Variants in USP5 observed in about 807,000 individuals in gnomAD.
USP5 encodes the protein ubiquitin carboxyl-terminal hydrolase 5.
USP5 carries 24 observed loss-of-function variants against 102.5 expected under a neutral mutation model. The observed-to-expected ratio is 0.23, with a 90% confidence interval of 0.17 to 0.33. The LOEUF (loss-of-function observed/expected upper bound fraction) is 0.33, where lower values mean the gene tolerates loss of function less well. Among genes scored for constraint, USP5 ranks in the 10% least tolerant of loss-of-function variants. USP5 has a pLI of 1.00. For synonymous variants in USP5, 460 were observed against 434.8 expected, an observed-to-expected ratio of 1.06 and a Z score of -0.72; for missense variants, 753 against 1,122.1, an observed-to-expected ratio of 0.67 and a Z score of 4.70.
In USP5 at chr12:6,861,374, G is replaced by C; in HGVS notation, c.1499-69G>C. 6.7e-7 allele frequency: 1 copy of C among 1,488,892 alleles called. No homozygotes were observed. The allele number at this position is 1,488,892 out of a possible 1,614,324, so 92.2% of individuals were successfully genotyped here. On this transcript the variant is annotated intron_variant, in intron 12 of 19. Transcript: ENST00000229268. This position sits in a 1 kb window ranked among gnomAD's most constrained non-coding sequence, Gnocchi z 4.9. Reference sequence around the variant, plus strand: ...GAACTGAAATACGGACACAGAGCCAGTAGGGAGAGGCTAAGGAGGCAAAGA... The same window carrying C: ...GAACTGAAATACGGACACAGAGCCACTAGGGAGAGGCTAAGGAGGCAAAGA...
chr12:6,852,435 C>G, intron 1 of USP5, 145 bp downstream of exon 1: 1 of 855,900 alleles, frequency 1.2e-6, no homozygotes, highest in Non-Finnish European at 1.8e-6. Context: ...CTGCCGTTGC[C>G]TTTCATTAAC....
rs1351821336 is a variant in USP5, at chr12:6,856,223, C to T, written c.438+73C>T. The T allele has an allele frequency of 1.2e-6, 2 of 1,606,666 alleles. No homozygotes were observed. The highest frequency in any genetic ancestry group is 1.3e-5 in the African/African-American group (1 of 74,740). On this transcript the variant is annotated intron_variant, in intron 4 of 19. Coordinates refer to ENST00000229268, the MANE Select transcript of USP5 (RefSeq NM_001098536.2). This position sits in a 1 kb window ranked among gnomAD's most constrained non-coding sequence, Gnocchi z 5.6. ...AGGGTAGTGGTGTCTTAGGCAAGCA[C>T]TGACAAAGCTGAAGGCCAAGGGGAA...
Position 6,861,668 on chromosome 12 carries a change from C to G in USP5, c.1673+51C>G. 15 of 1,436,762 alleles carry G rather than the reference C, an allele frequency of 1.0e-5. No individual in the cohort carries two copies. Among genetic ancestry groups the G allele is most frequent in the Non-Finnish European group, 1.4e-5 (15 of 1,090,218 alleles). 89.0% of individuals were successfully genotyped at this position (1,436,762 alleles called of 1,614,324 possible). A position where few individuals can be genotyped will look rare whatever the true frequency, so the allele number is the denominator to read the frequency against. The stretch of plus-strand genomic sequence containing the variant: ...GCTGTGGGTCTATGGCAGAGCTATC[C>G]CAGAGGATACTTCTGTCTCTTCCCT... On this transcript the variant is annotated intron_variant, in intron 13 of 19. Coordinates refer to ENST00000229268, the MANE Select transcript of USP5 (RefSeq NM_001098536.2). This position sits in a 1 kb window ranked among gnomAD's most constrained non-coding sequence, Gnocchi z 4.9.
rs782560604 is a variant in USP5 at position 6,863,992 on chromosome 12, C to T, written c.2098+19C>T. ...GATCCAGGTAGGCTGGGGTGGGGAG[C>T]AGGGTGGGGCAGGGCCTCCATCCTC... On this transcript the variant is annotated intron_variant, in intron 16 of 19. Transcript: ENST00000229268. The surrounding 1 kb of genome is among the most constrained non-coding windows in gnomAD (Gnocchi z 4.7). 3 of 1,577,702 alleles carry T rather than the reference C, an allele frequency of 1.9e-6. No individual in the cohort carries two copies. The highest frequency in any genetic ancestry group is 1.3e-5 in the African/African-American group (1 of 74,100).
Position 6,861,503 on chromosome 12 carries a change from C to G in USP5, c.1559C>G (p.Pro520Arg). 3.1e-6 allele frequency: 5 copies of G among 1,600,582 alleles called. No homozygotes were observed. Among genetic ancestry groups the G allele is most frequent in the Non-Finnish European group, 4.3e-6 (5 of 1,169,284 alleles). Residue 520 changes from proline (P) to arginine (R), a missense_variant, in exon 13 of 20, where the codon CCA (proline) becomes CGA (arginine). By Grantham distance (103) the Pro-to-Arg change is moderately radical. Around this residue, in one of 3 missense-constraint regions of USP5, gnomAD observed 527 missense variants for 816.5 expected, o/e 0.65. Coordinates refer to ENST00000229268, the MANE Select transcript of USP5 (RefSeq NM_001098536.2). The surrounding 1 kb of genome is among the most constrained non-coding windows in gnomAD (Gnocchi z 4.9). ...RQAEEEKMAL[P>R]ELVRAQVPFS... ...GCCGAAGAGGAGAAGATGGCACTGC[C>G]AGAACTGGTTCGGGCCCAGGTGCCC... is the stretch of plus-strand genomic sequence containing the variant.
At chr12:6,859,336 C>A in intron 8 of USP5, 134 bp from the exon 9 acceptor site, 1 of 829,362 alleles carries the variant, frequency 1.2e-6, no homozygotes, top group Non-Finnish European at 2.0e-6. Flanking sequence ...AGAGAAGCGA[C>A]TCCAAGGTTC....
rs377118724 is a variant in USP5 at position 6,864,643 on chromosome 12, C to T, written c.2245-79C>T. 11 of 1,484,506 alleles carry T rather than the reference C, an allele frequency of 7.4e-6. No homozygotes were observed. In the East Asian group the frequency reaches 9.3e-5, roughly 13 times the overall value. The allele number at this position is 1,484,506 out of a possible 1,614,324, so 92.0% of individuals were successfully genotyped here. ...GGCGGAGCTTGCAGTGAGCCGAGATCGCGCCACTGCACTCCAGCCTGGGCG... is the reference window on the plus strand; with the variant it reads ...GGCGGAGCTTGCAGTGAGCCGAGATTGCGCCACTGCACTCCAGCCTGGGCG... On this transcript the variant is annotated intron_variant, in intron 17 of 19. Transcript: ENST00000229268. This position sits in a 1 kb window ranked among gnomAD's most constrained non-coding sequence, Gnocchi z 4.8.
rs782738986 is a variant in USP5 at position 6,855,830 on chromosome 12, C to T, written c.304+9C>T. The T allele has an allele frequency of 2.0e-5, 33 of 1,614,022 alleles. No individual in the cohort carries two copies. The highest frequency in any genetic ancestry group is 1.9e-4 in the South Asian group (17 of 91,086). On this transcript the variant is annotated intron_variant, in intron 3 of 19. Coordinates refer to ENST00000229268, the MANE Select transcript of USP5 (RefSeq NM_001098536.2). The surrounding 1 kb of genome is among the most constrained non-coding windows in gnomAD (Gnocchi z 4.6). ...CACGCGGCTGGCTATTGGTGAGCAC[C>T]GCTGCAGTCCTATTCTTCTCCCTGA...
At position 6,856,818 on chromosome 12, in the gene USP5, C is replaced by T. The variant is rs149667187; in HGVS notation, c.696C>T (p.His232=). Residue 232 remains histidine (H), a synonymous_variant, in exon 6 of 20, where the codon CAC becomes CAT. Transcript: ENST00000229268. The surrounding 1 kb of genome is among the most constrained non-coding windows in gnomAD (Gnocchi z 5.6). ...RYFDGSGGNN[H]AVEHYRETGY... is the part of the protein sequence containing the mutation. ...TCGATGGCAGTGGGGGCAACAACCA[C>T]GCTGTGGAGCACTACCGAGAGACAG... The T allele has an allele frequency of 2.4e-5, 38 of 1,614,078 alleles. No individual in the cohort carries two copies. The highest frequency in any genetic ancestry group is 8.0e-5 in the African/African-American group (6 of 74,938).
Position 6,859,503 on chromosome 12 carries a change from T to C in USP5, c.1092T>C (p.Asn364=). 1.9e-6 allele frequency: 3 copies of C among 1,614,202 alleles called. No individual in the cohort carries two copies. Among genetic ancestry groups the C allele is most frequent in the Non-Finnish European group, 1.7e-6 (2 of 1,180,030 alleles). Residue 364 remains asparagine (N), a synonymous_variant, in exon 9 of 20, where the codon AAT becomes AAC. Transcript: ENST00000229268. ...YVDKLEKIFQ[N]APTDPTQDFS... ...ATAAGCTGGAGAAGATCTTCCAGAA[T>C]GCCCCGACGGACCCTACCCAGGATT...
chr12:6,856,845 C>T lies in USP5; in HGVS notation c.723C>T (p.Gly241=), dbSNP rs1555128441. ...CTGTGGAGCACTACCGAGAGACAGG[C>T]TACCCGTTAGCTGTCAAGCTGGGCA... ...NHAVEHYRET[G]YPLAVKLGTI... is the part of the protein sequence containing the mutation. The change falls in exon 6 of 20, where the codon GGC becomes GGT. Residue 241 remains glycine (G), a synonymous_variant. Coordinates refer to ENST00000229268, the MANE Select transcript of USP5 (RefSeq NM_001098536.2). The surrounding 1 kb of genome is among the most constrained non-coding windows in gnomAD (Gnocchi z 5.6). The T allele has an allele frequency of 6.2e-7, 1 of 1,614,204 alleles. No homozygotes were observed. The highest frequency in any genetic ancestry group is 1.7e-5 in the Admixed American group (1 of 60,024).
Position 6,852,192 on chromosome 12 carries a change from A to G in USP5, c.13A>G (p.Ser5Gly). 2 of 1,611,746 alleles carry G rather than the reference A, an allele frequency of 1.2e-6. No homozygotes were observed. Among genetic ancestry groups the G allele is most frequent in the Non-Finnish European group, 1.7e-6 (2 of 1,179,220 alleles). MAEL[S>G]EEALLSVLPT... is the part of the protein sequence containing the mutation. ...TGCTGCCGGTGTCATGGCGGAGCTG[A>G]GTGAGGAGGCGCTGCTGTCAGTATT... is the stretch of plus-strand genomic sequence containing the variant. Residue 5 changes from serine to glycine, a missense_variant, in exon 1 of 20, where the codon AGT becomes GGT. Transcript: ENST00000229268.
Position 6,855,858 on chromosome 12 carries a change from T to C in USP5, c.304+37T>C. On this transcript the variant is annotated intron_variant, in intron 3 of 19. Transcript: ENST00000229268. The surrounding 1 kb of genome is among the most constrained non-coding windows in gnomAD (Gnocchi z 4.6). ...TGCAGTCCTATTCTTCTCCCTGAGC[T>C]GGTCTTTCTGGCTCTCAGCAGCACC... 6.2e-7 allele frequency: 1 copy of C among 1,613,772 alleles called. No individual in the cohort carries two copies. Among genetic ancestry groups the C allele is most frequent in the Non-Finnish European group, 8.5e-7 (1 of 1,179,712 alleles).
At position 6,860,826 on chromosome 12, in the gene USP5, C is replaced by A. The variant is rs1249890455; in HGVS notation, c.1345-127C>A. On this transcript the variant is annotated intron_variant, in intron 11 of 19. Transcript: ENST00000229268. This position sits in a 1 kb window ranked among gnomAD's most constrained non-coding sequence, Gnocchi z 5.5. ...GTTGGTGAATTAGGGAAGGTTTCTG[C>A]TCTGCTCTTGTGTCCCTGAGTTCCG... The A allele has an allele frequency of 2.9e-6, 4 of 1,387,104 alleles. No homozygotes were observed. Among genetic ancestry groups the A allele is most frequent in the Non-Finnish European group, 4.0e-6 (4 of 1,009,078 alleles). 85.9% of individuals were successfully genotyped at this position (1,387,104 alleles called of 1,614,324 possible). A position where few individuals can be genotyped will look rare whatever the true frequency, so the allele number is the denominator to read the frequency against.
intron 1 of USP5, among the ~76,000 whole-genome samples, chr12:6,853,100 T>G (rs1382445758): frequency 6.6e-6 from 1 of 152,126 alleles, no homozygotes; most frequent in Non-Finnish European, 1.5e-5. Context: ...GTACCTCCCT[T>G]CCTGCAGTTC....
rs782161191 is a variant in USP5 at position 6,856,680 on chromosome 12, C to T, written c.585-27C>T. 57 of 1,611,840 alleles carry T rather than the reference C, an allele frequency of 3.5e-5. No homozygotes were observed. In the South Asian group the frequency reaches 6.2e-4, roughly 17 times the overall value. On this transcript the variant is annotated intron_variant, in intron 5 of 19. Coordinates refer to ENST00000229268, the MANE Select transcript of USP5 (RefSeq NM_001098536.2). This position sits in a 1 kb window ranked among gnomAD's most constrained non-coding sequence, Gnocchi z 5.6. ...TCCCTCAAATCCCCGACCCACATTTCTGCTGATTCTCTTCTCTGTGGGTTA... is the reference window on the plus strand; with the variant it reads ...TCCCTCAAATCCCCGACCCACATTTTTGCTGATTCTCTTCTCTGTGGGTTA...
In USP5 at chr12:6,856,339, A is replaced by T; in HGVS notation, c.473A>T (p.Asp158Val). 6.2e-7 allele frequency: 1 copy of T among 1,613,620 alleles called. No individual in the cohort carries two copies. The highest frequency in any genetic ancestry group is 1.1e-5 in the South Asian group (1 of 91,052). Residue 158 changes from aspartate (D) to valine (V), a missense_variant, in exon 5 of 20, where the codon GAC becomes GTC. This residue lies in a region of USP5 where 527 missense variants were observed against 816.5 expected (regional missense o/e 0.65). Coordinates refer to ENST00000229268, the MANE Select transcript of USP5 (RefSeq NM_001098536.2). The surrounding 1 kb of genome is among the most constrained non-coding windows in gnomAD (Gnocchi z 5.6). Reference protein sequence around the residue: ...TSAVEALLSADSASRKQEVQA... With the variant: ...TSAVEALLSAVSASRKQEVQA... Reference sequence around the variant, plus strand: ...GCAGTGGAGGCCCTACTGTCGGCCGACTCAGCCTCCCGCAAGCAGGAGGTG... The same window carrying T: ...GCAGTGGAGGCCCTACTGTCGGCCGTCTCAGCCTCCCGCAAGCAGGAGGTG...
rs1555130101 is a variant in USP5 at position 6,863,850 on chromosome 12, G to T, written c.1975G>T (p.Val659Phe). The T allele has an allele frequency of 6.2e-7, 1 of 1,603,962 alleles. No individual in the cohort carries two copies. Among genetic ancestry groups the T allele is most frequent in the Non-Finnish European group, 8.5e-7 (1 of 1,173,964 alleles). ...TACAGCGCCCATGCTGGATGAATCA[G>T]TCATCATCCAGCTGGTGGAGATGGG... ...SPTSPMLDESVIIQLVEMGFP... is the reference protein window; with the variant it reads ...SPTSPMLDESFIIQLVEMGFP... The change falls in exon 16 of 20, where the codon GTC (valine) becomes TTC (phenylalanine). Residue 659 changes from valine (V) to phenylalanine (F), a missense_variant. This residue lies in a region of USP5 where 193 missense variants were observed against 230.2 expected (regional missense o/e 0.84). Transcript: ENST00000229268. The surrounding 1 kb of genome is among the most constrained non-coding windows in gnomAD (Gnocchi z 4.7).
chr12:6,856,761 T>C lies in USP5; in HGVS notation c.639T>C (p.Thr213=). The C allele has an allele frequency of 6.2e-7, 1 of 1,614,132 alleles. No individual in the cohort carries two copies. The highest frequency in any genetic ancestry group is 8.5e-7 in the Non-Finnish European group (1 of 1,180,024). The stretch of plus-strand genomic sequence containing the variant: ...GAGAGAACCTGTGGCTCAACCTGAC[T>C]GATGGCTCCATCCTCTGTGGGCGAC... ...DMRENLWLNL[T]DGSILCGRRY... is the part of the protein sequence containing the mutation. Residue 213 remains threonine (T), a synonymous_variant, in exon 6 of 20, where the codon ACT becomes ACC. Coordinates refer to ENST00000229268, the MANE Select transcript of USP5 (RefSeq NM_001098536.2). This position sits in a 1 kb window ranked among gnomAD's most constrained non-coding sequence, Gnocchi z 5.6.
Sources: allele counts gnomAD v4.1 joint callset (sites outside exome capture counted in the v4.1 genomes callset), GRCh38; gene constraint gnomAD v4.1.1; regional missense constraint gnomAD v4.1.1; non-coding constraint Gnocchi (gnomAD v3.1); transcripts MANE v1.5; gene names NCBI Gene and HGNC (gene_info 2026-07-23, HGNC 2026-07-21).